RNASEH1: variants seen among roughly 807,000 people sequenced by gnomAD.
RNASEH1 encodes ribonuclease H1.
Under a neutral mutation model 34.6 loss-of-function variants are expected in RNASEH1, and 27 were observed. That is an observed-to-expected ratio of 0.78 (90% CI 0.58 to 1.08). The LOEUF is 1.08. RNASEH1 is among the 50% of genes least tolerant of loss of function. RNASEH1 has a pLI of 0.00. For synonymous variants in RNASEH1, 162 were observed against 138.4 expected, an observed-to-expected ratio of 1.17 and a Z score of -1.20; for missense variants, 349 against 373.6, an observed-to-expected ratio of 0.93 and a Z score of 0.54.
the RNASEH1 span, among the ~76,000 whole-genome samples, chr2:3,536,269 G>C: frequency 1.3e-5 from 2 of 152,204 alleles, no homozygotes; most frequent in Non-Finnish European, 2.9e-5. Flanking sequence ...AGGGAAGAAC[G>C]GTCGGCCTAG....
At chr2:3,533,179 C>T in the RNASEH1 span, 2 of 152,306 alleles carry the variant, frequency 1.3e-5, no homozygotes, top group Admixed American at 6.5e-5. Flanking sequence ...AAGTCTGGTT[C>T]TGTTCCAAGA....
chr2:3,555,499 C>A (rs1162988539), intron 2 of RNASEH1, among the ~76,000 whole-genome samples: 1 of 152,214 alleles, frequency 6.6e-6, no homozygotes, highest in South Asian at 2.1e-4. Flanking sequence ...TGCAAACTAA[C>A]TCTTCAGGGA....
chr2:3,549,400 G>A (rs531477693), intron 4 of RNASEH1, among the ~76,000 whole-genome samples: 67 of 152,266 alleles, frequency 4.4e-4, no homozygotes, highest in Middle Eastern at 3.4e-3. Context: ...GAGAAAACTC[G>A]GGAAGAAGAA....
chr2:3,553,337 AAAGTTTTTCTTCTGCAACG>A (rs545740224), intron 2 of RNASEH1, among the ~76,000 whole-genome samples: 107 of 151,998 alleles, frequency 7.0e-4, no homozygotes, highest in Non-Finnish European at 1.2e-3. Context: ...CTTTTGCAAC[AAAGTTTTTCTTCTGCAACG>A]AAGTTTTTCT....
chr2:3,555,592 G>C (rs1572336032), intron 2 of RNASEH1, among the ~76,000 whole-genome samples: 1 of 152,176 alleles, frequency 6.6e-6, no homozygotes, highest in East Asian at 1.9e-4. Context: ...AGTTGTTCAG[G>C]TTCAAGCATC....
chr2:3,532,323 G>T, the RNASEH1 span: 1 of 702,230 alleles, frequency 1.4e-6, no homozygotes, highest in East Asian at 2.7e-5. Flanking sequence ...GTGGGAACAA[G>T]AAATAATGGG....
Position 3,558,203 on chromosome 2 carries a change from G to C in RNASEH1, c.58C>G (p.Arg20Gly). 6.2e-7 allele frequency: 1 copy of C among 1,601,000 alleles called. No homozygotes were observed. The highest frequency in any genetic ancestry group is 1.1e-5 in the South Asian group (1 of 89,270). ...RVALAALPCR[R>G]GSRGFGMFYA... ...AACATCCCGAACCCGCGAGAGCCGCGGCGGCAGGGCAAGGCGGCCAAGGCG... is the reference window on the plus strand; with the variant it reads ...AACATCCCGAACCCGCGAGAGCCGCCGCGGCAGGGCAAGGCGGCCAAGGCG... The change falls in exon 1 of 8, where the codon CGC becomes GGC. Residue 20 changes from arginine (R) to glycine (G), a missense_variant. By Grantham distance (125) the Arg-to-Gly change is moderately radical (BLOSUM62 -2). Coordinates refer to ENST00000315212, the MANE Select transcript of RNASEH1 (RefSeq NM_002936.6).
At chr2:3,551,615 A>T (rs956481522) in intron 3 of RNASEH1, among the ~76,000 whole-genome samples, 47 of 152,208 alleles carry the variant, frequency 3.1e-4, no homozygotes, top group Admixed American at 2.0e-4. Flanking sequence ...TTTAATGCTT[A>T]TTTCTACTTT....
chr2:3,557,170 T>C (rs796373546), intron 1 of RNASEH1, among the ~76,000 whole-genome samples: 15 of 152,322 alleles, frequency 9.8e-5, no homozygotes, highest in African/African-American at 3.4e-4. Context: ...ATCTATATAG[T>C]TGTATTGTCT....
the RNASEH1 span, chr2:3,532,022 C>T: frequency 5.6e-6 from 3 of 537,216 alleles, no homozygotes; most frequent in Non-Finnish European, 1.0e-5. Context: ...TTCCATTTGG[C>T]CAAAGCAAGA....
rs1027714426 is a variant in RNASEH1, at chr2:3,543,806, G to A, written c.*1979C>T. Among the ~76,000 whole-genome samples the A allele has an allele frequency of 6.6e-6, 1 of 152,048 alleles. No individual in the cohort carries two copies. The highest frequency in any genetic ancestry group is 1.5e-5 in the Non-Finnish European group (1 of 68,020). On this transcript the variant is annotated 3_prime_UTR_variant, in exon 8 of 8. Coordinates refer to ENST00000315212, the MANE Select transcript of RNASEH1 (RefSeq NM_002936.6). ...TATTTTAATTTTCTGTAGAGACAGG[G>A]TGTCACTATGTTGCCCAGACTAGTC...
the RNASEH1 span, among the ~76,000 whole-genome samples, chr2:3,535,382 G>C: frequency 6.8e-6 from 1 of 147,046 alleles, no homozygotes; most frequent in East Asian, 2.0e-4. Flanking sequence ...AGCTGTGATT[G>C]CACCACTGCA....
In RNASEH1 at chr2:3,550,486, AAGT is replaced by A; in HGVS notation, c.410-17_410-15del. 1 of 1,596,646 alleles carries A rather than the reference AAGT, an allele frequency of 6.3e-7. No homozygotes were observed. The highest frequency in any genetic ancestry group is 1.3e-5 in the African/African-American group (1 of 74,686). ...CGACGAAGTCTCCTGTGGGAAAAGG[AAGT>A]ACATGCTGCTGGGCTGACCTTACTA... On this transcript the variant is annotated splice_polypyrimidine_tract_variant and intron_variant, in intron 3 of 7. Transcript: ENST00000315212.
chr2:3,550,327 A>T, intron 4 of RNASEH1, 46 bp downstream of exon 4: 1 of 1,439,396 alleles, frequency 6.9e-7, no homozygotes, highest in South Asian at 1.1e-5. Flanking sequence ...ATCTTTTCAC[A>T]AGTTGTGGAA....
the RNASEH1 span, chr2:3,533,920 A>G: frequency 6.6e-6 from 1 of 152,306 alleles, no homozygotes; most frequent in Non-Finnish European, 1.5e-5. Context: ...CTTCAAGCCA[A>G]AGATAGCCTG....
intron 2 of RNASEH1, among the ~76,000 whole-genome samples, chr2:3,555,073 T>C (rs1660349819): frequency 6.6e-6 from 1 of 152,208 alleles, no homozygotes; most frequent in Admixed American, 6.5e-5. Context: ...CAATGTTATG[T>C]TGAAGACTTA....
chr2:3,540,063 G>A (rs1668208546), downstream of RNASEH1, among the ~76,000 whole-genome samples: 1 of 152,136 alleles, frequency 6.6e-6, no homozygotes, highest in Non-Finnish European at 1.5e-5. Flanking sequence ...GCAGACACCA[G>A]GAGGGGAGTT....
chr2:3,537,770 G>A (rs1486373610), downstream of RNASEH1, among the ~76,000 whole-genome samples: 2 of 152,148 alleles, frequency 1.3e-5, no homozygotes, highest in Admixed American at 1.3e-4. Context: ...GGGCACGGTG[G>A]CTCATGCCTG....
the RNASEH1 span, chr2:3,532,202 G>C: frequency 2.9e-6 from 2 of 698,840 alleles, no homozygotes; most frequent in African/African-American, 3.5e-5. Flanking sequence ...TCAGCACCTG[G>C]TCGCAGCACT....
Sources: allele counts gnomAD v4.1 joint callset (sites outside exome capture counted in the v4.1 genomes callset), GRCh38; gene constraint gnomAD v4.1.1; transcripts MANE v1.5; gene names NCBI Gene and HGNC (gene_info 2026-07-23, HGNC 2026-07-21).